Variants in OMA1 observed in about 807,000 individuals in gnomAD.
OMA1 encodes metalloendopeptidase OMA1, mitochondrial.
Under a neutral mutation model 30.9 loss-of-function variants are expected in OMA1, and 38 were observed. The ratio of observed to expected loss-of-function variants is 1.23; its 90% confidence interval spans 0.95 to 1.61. The LOEUF (loss-of-function observed/expected upper bound fraction) is 1.61, where lower values mean the gene tolerates loss of function less well. OMA1 is among the 40% of genes most tolerant of loss of function. OMA1 has a pLI of 0.00. For synonymous variants in OMA1, 173 were observed against 121.9 expected, an observed-to-expected ratio of 1.42 and a Z score of -2.76; for missense variants, 461 against 349.2, an observed-to-expected ratio of 1.32 and a Z score of -2.55.
intron 7 of OMA1, among the ~76,000 whole-genome samples, chr1:58,520,182 A>G (rs978115734): frequency 1.3e-5 from 2 of 152,144 alleles, no homozygotes; most frequent in Non-Finnish European, 2.9e-5. Context: ...TCATTTGTAC[A>G]CCAAATCTTA....
intron 8 of OMA1, among the ~76,000 whole-genome samples, chr1:58,486,406 G>A (rs1028716712): frequency 1.3e-5 from 2 of 152,098 alleles, no homozygotes; most frequent in South Asian, 4.1e-4. Context: ...TCTTTCTCCC[G>A]TTACCAACTA....
chr1:58,500,612 T>C (rs1483451632), intron 8 of OMA1, among the ~76,000 whole-genome samples: 1 of 152,198 alleles, frequency 6.6e-6, no homozygotes, highest in Non-Finnish European at 1.5e-5. Context: ...TTTAAGTTTC[T>C]GAATAAAGCC....
intron 8 of OMA1, among the ~76,000 whole-genome samples, chr1:58,498,595 T>C (rs963212214): frequency 2.0e-5 from 3 of 152,270 alleles, no homozygotes; most frequent in East Asian, 1.9e-4. Flanking sequence ...ATAATGCCTA[T>C]ATGGCTACTT....
rs184545606 is a variant in OMA1 at position 58,542,057 on chromosome 1, A to G, written c.-16-2747T>C. On this transcript the variant is annotated intron_variant, in intron 1 of 8. Transcript: ENST00000371226. Reference sequence around the variant, plus strand: ...TATTATCTATATATCAAACCATTTGAAAATTACTCAAATTTATTTTTTATG... The same window carrying G: ...TATTATCTATATATCAAACCATTTGGAAATTACTCAAATTTATTTTTTATG... 4.3e-4 allele frequency among the ~76,000 whole-genome samples: 65 copies of G among 152,334 alleles called. 1 individual carries two copies. The highest frequency in any genetic ancestry group is 2.6e-4 in the Non-Finnish European group (18 of 68,024).
At position 58,524,245 on chromosome 1, in the gene OMA1, C is replaced by A. The variant is rs115693799; in HGVS notation, c.1215+3016G>T. Among the ~76,000 whole-genome samples, 250 of 152,232 alleles carry A rather than the reference C, an allele frequency of 1.6e-3. 1 individual carries two copies. The highest frequency in any genetic ancestry group is 5.9e-3 in the African/African-American group (244 of 41,562). Reference sequence around the variant, plus strand: ...TTTCATCTGCATTAAAAACCTGTTCCGGCAGCTATTCTTTCTCCTTAACGA... The same window carrying A: ...TTTCATCTGCATTAAAAACCTGTTCAGGCAGCTATTCTTTCTCCTTAACGA... On this transcript the variant is annotated intron_variant, in intron 7 of 8. Transcript: ENST00000371226.
In OMA1 at chr1:58,539,312, T is replaced by A. The variant is rs1407599728; in HGVS notation, c.-16-2A>T. On this transcript the variant is annotated splice_acceptor_variant, in intron 1 of 8. Coordinates refer to ENST00000371226, the MANE Select transcript of OMA1 (RefSeq NM_145243.5). LOFTEE classifies it low-confidence loss of function (5UTR_SPLICE). Reference sequence around the variant, plus strand: ...AAGCTCATTTTTTCACTTGACTACCTGAAACAAAAAAAAAACTATAAATAT... The same window carrying A: ...AAGCTCATTTTTTCACTTGACTACCAGAAACAAAAAAAAAACTATAAATAT... 5 of 802,496 alleles carry A rather than the reference T, an allele frequency of 6.2e-6. No individual in the cohort carries two copies. Among genetic ancestry groups the A allele is most frequent in the African/African-American group, 5.2e-5 (3 of 58,234 alleles). The allele number at this position is 802,496 out of a possible 1,614,324, so 49.7% of individuals were successfully genotyped here.
intron 8 of OMA1, among the ~76,000 whole-genome samples, chr1:58,486,387 C>T (rs1645576308): frequency 6.6e-6 from 1 of 152,176 alleles, no homozygotes; most frequent in South Asian, 2.1e-4. Context: ...TTACTATTTC[C>T]TGCGACCATC....
At chr1:58,497,525 T>C (rs1052607942) in intron 8 of OMA1, among the ~76,000 whole-genome samples, 6 of 152,180 alleles carry the variant, frequency 3.9e-5, no homozygotes, top group African/African-American at 1.4e-4. Context: ...GACCAGACTA[T>C]GCCACCCCAA....
chr1:58,508,708 C>T (rs1220267454), intron 7 of OMA1, among the ~76,000 whole-genome samples: 1 of 151,904 alleles, frequency 6.6e-6, no homozygotes, highest in East Asian at 1.9e-4. Context: ...TCTAAAACGC[C>T]CTAGATATCT....
At chr1:58,527,470 A>G (rs997516216) in intron 6 of OMA1, 135 bp from the exon 7 acceptor site, 3 of 589,428 alleles carry the variant, frequency 5.1e-6, no homozygotes, top group Admixed American at 5.8e-5. Flanking sequence ...TAACATTAAA[A>G]TAACTCCATG....
chr1:58,535,526 G>A (rs1017645587), intron 3 of OMA1, among the ~76,000 whole-genome samples: 1 of 151,464 alleles, frequency 6.6e-6, no homozygotes, highest in African/African-American at 2.4e-5. Context: ...AACCTGTAAG[G>A]TGGAGGTTGC....
chr1:58,545,508 A>C (rs1393492270), intron 1 of OMA1, among the ~76,000 whole-genome samples: 1 of 83,786 alleles, frequency 1.2e-5, no homozygotes, highest in Non-Finnish European at 3.0e-5. Context: ...AGAGCACATA[A>C]GAAAAAAAAA....
intron 7 of OMA1, among the ~76,000 whole-genome samples, chr1:58,515,495 C>G (rs900823340): frequency 6.6e-6 from 1 of 152,058 alleles, no homozygotes; most frequent in African/African-American, 2.4e-5. Context: ...GACTCAACAG[C>G]TGAAATCATA....
At position 58,484,149 on chromosome 1, in the gene OMA1, T is replaced by C. The variant is rs549038158; in HGVS notation, c.1366-2975A>G. 5.3e-5 allele frequency among the ~76,000 whole-genome samples: 8 copies of C among 152,360 alleles called. No individual in the cohort carries two copies. The South Asian group carries it at 1.4e-3, about 28-fold the overall frequency. On this transcript the variant is annotated intron_variant, in intron 8 of 8. Coordinates refer to ENST00000371226, the MANE Select transcript of OMA1 (RefSeq NM_145243.5). ...CAGTGAGTAAGGTGCTAGGTACACA[T>C]TGGTCAGAATAGTCATGGTCCCTGC... is the stretch of plus-strand genomic sequence containing the variant.
intron 1 of OMA1, among the ~76,000 whole-genome samples, 175 bp from the exon 2 acceptor site, chr1:58,539,485 G>C (rs566533147): frequency 4.5e-4 from 68 of 152,238 alleles, no homozygotes; most frequent in African/African-American, 1.5e-3. Context: ...ATAAACCAGA[G>C]TATATATACC....
At chr1:58,485,106 TGGGATTTTGATGGTATGG>T (rs1484096133) in intron 8 of OMA1, among the ~76,000 whole-genome samples, 4 of 151,924 alleles carry the variant, frequency 2.6e-5, no homozygotes, top group Admixed American at 1.3e-4. Flanking sequence ...CACTCTGGCA[TGGGATTTTGATGGTATGG>T]GAGGCTGTGA....
chr1:58,528,683 G>C (rs1646388036), intron 6 of OMA1, among the ~76,000 whole-genome samples: 1 of 152,194 alleles, frequency 6.6e-6, no homozygotes, highest in Non-Finnish European at 1.5e-5. Context: ...TGCTGAGATT[G>C]AGAAATCCTG....
chr1:58,507,459 TTTAAATTCAAGTAAATC>T (rs1182183431), intron 7 of OMA1, among the ~76,000 whole-genome samples: 1 of 151,974 alleles, frequency 6.6e-6, no homozygotes, highest in African/African-American at 2.4e-5. Context: ...AATAAAAAAT[TTTAAATTCAAGTAAATC>T]TTATTCAATA....
In OMA1 at chr1:58,518,359, G is replaced by GGAAGA. The variant is rs1557450411; in HGVS notation, c.1215+8897_1215+8901dup. ...AGAAGAGAAGAGAAGAGAAGGGAAG[G>GGAAGA]GAAGAGAAGAGAAGGGAAGAAAAGA... On this transcript the variant is annotated intron_variant, in intron 7 of 8. Transcript: ENST00000371226. Among the ~76,000 whole-genome samples, 25 of 103,368 alleles carry GGAAGA rather than the reference G, an allele frequency of 2.4e-4. 1 individual carries two copies. The highest frequency in any genetic ancestry group is 8.0e-4 in the African/African-American group (24 of 30,148). 67.8% of individuals were successfully genotyped at this position (103,368 alleles called of 152,430 possible).
Sources: gnomAD v4.1 joint callset for allele counts (sites outside exome capture counted in the v4.1 genomes callset) on GRCh38, gnomAD v4.1.1 for gene constraint, MANE v1.5 for transcripts, NCBI Gene and HGNC (gene_info 2026-07-23, HGNC 2026-07-21) for gene names.